CNBD1: variants seen among roughly 807,000 people sequenced by gnomAD.
CNBD1 encodes the protein cyclic nucleotide binding domain containing 1.
In CNBD1, 71 loss-of-function variants were observed where a neutral mutation model predicts 54.4. The ratio of observed to expected loss-of-function variants is 1.30; its 90% CI spans 1.08 to 1.59. The LOEUF (loss-of-function observed/expected upper bound fraction) is 1.59, where lower values mean the gene tolerates loss of function less well. Ranked by LOEUF, CNBD1 falls within the 40% of genes most tolerant of loss-of-function variation. The pLI is 0.00. For synonymous variants in CNBD1, 182 were observed against 170.7 expected, an observed-to-expected ratio of 1.07 and a Z score of -0.51; for missense variants, 659 against 518.0, an observed-to-expected ratio of 1.27 and a Z score of -2.64.
At chr8:87,347,829 C>A (rs535126025) in intron 8 of CNBD1, among the ~76,000 whole-genome samples, 1 of 152,108 alleles carries the variant, frequency 6.6e-6, no homozygotes, top group Non-Finnish European at 1.5e-5. Flanking sequence ...AAGAGGGGAT[C>A]TCTAATACCA....
At chr8:87,324,285 C>T (rs1264484596) in intron 8 of CNBD1, among the ~76,000 whole-genome samples, 2 of 127,770 alleles carry the variant, frequency 1.6e-5, no homozygotes, top group African/African-American at 2.9e-5. Context: ...GTGTCTCTGC[C>T]CGGCTTTGGT....
At chr8:87,256,428 T>C (rs553215599) in intron 6 of CNBD1, among the ~76,000 whole-genome samples, 1 of 152,158 alleles carries the variant, frequency 6.6e-6, no homozygotes, top group Non-Finnish European at 1.5e-5. Flanking sequence ...TGAATCCAGG[T>C]GTCCTGGTTG....
chr8:87,058,503 G>A (rs1246946382), intron 4 of CNBD1, among the ~76,000 whole-genome samples: 1 of 152,282 alleles, frequency 6.6e-6, no homozygotes, highest in Non-Finnish European at 1.5e-5. Context: ...GCATAATTCT[G>A]CCTGGACATC....
intron 4 of CNBD1, among the ~76,000 whole-genome samples, chr8:87,082,996 T>C (rs554671634): frequency 2.6e-5 from 4 of 152,326 alleles, no homozygotes; most frequent in African/African-American, 9.6e-5. Flanking sequence ...ACATGTTGTG[T>C]TTGAAAACTA....
intron 1 of CNBD1, among the ~76,000 whole-genome samples, chr8:86,885,441 C>T (rs1008128852): frequency 2.6e-5 from 4 of 152,028 alleles, no homozygotes; most frequent in Admixed American, 6.6e-5. Context: ...TGATTTTAAC[C>T]GTGTTATAGG....
Position 87,351,745 on chromosome 8 carries a change from A to T in CNBD1, c.1103A>T (p.Asn368Ile). Reference sequence around the variant, plus strand: ...GGTTATATTAACTCTGGATGCTGTAACATTTATAGAAGTATTATAGGATTT... The same window carrying T: ...GGTTATATTAACTCTGGATGCTGTATCATTTATAGAAGTATTATAGGATTT... ...FVGYINSGCCNIYRSIIGFVK... is the reference protein window; with the variant it reads ...FVGYINSGCCIIYRSIIGFVK... Residue 368 changes from asparagine to isoleucine, a missense_variant, in exon 9 of 11, where the codon AAC becomes ATC. Transcript: ENST00000518476. 6.5e-7 allele frequency: 1 copy of T among 1,532,446 alleles called. No homozygotes were observed. Among genetic ancestry groups the T allele is most frequent in the Non-Finnish European group, 8.7e-7 (1 of 1,144,912 alleles). 94.9% of individuals were successfully genotyped at this position (1,532,446 alleles called of 1,614,324 possible). A position where few individuals can be genotyped will look rare whatever the true frequency, so the allele number is the denominator to read the frequency against.
chr8:87,267,926 AG>A (rs1808294486), intron 6 of CNBD1, among the ~76,000 whole-genome samples: 1 of 152,212 alleles, frequency 6.6e-6, no homozygotes, highest in Non-Finnish European at 1.5e-5. Flanking sequence ...TGTTTAATTT[AG>A]TCTGCTAGTA....
chr8:86,892,387 G>A (rs142110431), intron 2 of CNBD1, among the ~76,000 whole-genome samples: 1 of 152,106 alleles, frequency 6.6e-6, no homozygotes, highest in East Asian at 1.9e-4. Flanking sequence ...ATTTTCCAAA[G>A]ACACAATATG....
At chr8:87,147,863 ATTCTGT>A (rs537567218) in intron 4 of CNBD1, among the ~76,000 whole-genome samples, 2 of 152,268 alleles carry the variant, frequency 1.3e-5, no homozygotes, top group East Asian at 3.9e-4. Context: ...AGCTACATTA[ATTCTGT>A]TTCTAACTCT....
At chr8:87,211,732 G>A (rs114372164) in intron 5 of CNBD1, among the ~76,000 whole-genome samples, 2,210 of 152,246 alleles carry the variant, frequency 0.015, 69 homozygotes, top group African/African-American at 0.05. Flanking sequence ...ACCAGCACCT[G>A]CCATGCTCAT....
intron 6 of CNBD1, among the ~76,000 whole-genome samples, chr8:87,243,350 C>A: frequency 6.6e-6 from 1 of 152,200 alleles, no homozygotes; most frequent in East Asian, 1.9e-4. Context: ...ATTGTAAGTT[C>A]TGCATCAAGT....
chr8:86,889,999 A>G (rs960843885), intron 2 of CNBD1, among the ~76,000 whole-genome samples: 2 of 152,098 alleles, frequency 1.3e-5, no homozygotes, highest in African/African-American at 2.4e-5. Flanking sequence ...TCTTAATTAT[A>G]TACATTTTTG....
At chr8:86,907,466 G>A (rs1809034235) in intron 3 of CNBD1, among the ~76,000 whole-genome samples, 1 of 151,984 alleles carries the variant, frequency 6.6e-6, no homozygotes, top group Non-Finnish European at 1.5e-5. Flanking sequence ...TTGGGAGTTT[G>A]AGACCATCCT....
intron 4 of CNBD1, among the ~76,000 whole-genome samples, chr8:87,095,859 T>C (rs7842648): frequency 0.12 from 18,102 of 152,120 alleles, 3,421 homozygotes; most frequent in African/African-American, 0.4. Context: ...GGGGTCTCAC[T>C]GTGTTAGCCA....
At chr8:87,185,400 T>C (rs1371319577) in intron 4 of CNBD1, among the ~76,000 whole-genome samples, 3 of 152,208 alleles carry the variant, frequency 2.0e-5, no homozygotes. Flanking sequence ...TAATTTTACC[T>C]TGGTGGCTGC....
In CNBD1 at chr8:87,375,595, G is replaced by C. The variant is rs537263341; in HGVS notation, c.1304-7025G>C. Among the ~76,000 whole-genome samples the C allele has an allele frequency of 5.9e-5, 9 of 151,806 alleles. No individual in the cohort carries two copies. The East Asian group carries it at 1.8e-3, about 30-fold the overall frequency. ...ATTCTATTTTCTTAGGCTATCATAG[G>C]AACCGAATCAAGGTTATTAGATTGG... On this transcript the variant is annotated intron_variant, in intron 10 of 10. Coordinates refer to ENST00000518476, the MANE Select transcript of CNBD1 (RefSeq NM_173538.3).
intron 6 of CNBD1, among the ~76,000 whole-genome samples, chr8:87,280,514 GA>G (rs991072935): frequency 1.3e-5 from 2 of 151,296 alleles, no homozygotes; most frequent in South Asian, 4.2e-4. Flanking sequence ...CCTTAGAAAA[GA>G]AAAAACATGT....
intron 4 of CNBD1, among the ~76,000 whole-genome samples, chr8:87,174,412 T>G (rs1813156250): frequency 6.6e-6 from 1 of 152,218 alleles, no homozygotes; most frequent in Non-Finnish European, 1.5e-5. Flanking sequence ...CTCTAAAATT[T>G]CTTCTTGATT....
At chr8:87,273,480 C>A (rs1488624811) in intron 6 of CNBD1, among the ~76,000 whole-genome samples, 1 of 151,892 alleles carries the variant, frequency 6.6e-6, no homozygotes, top group African/African-American at 2.4e-5. Context: ...TAACAACAAA[C>A]CAATGCAAAT....
Sources: allele counts gnomAD v4.1 joint callset (sites outside exome capture counted in the v4.1 genomes callset), GRCh38; gene constraint gnomAD v4.1.1; transcripts MANE v1.5; gene names NCBI Gene and HGNC (gene_info 2026-07-23, HGNC 2026-07-21).